Variants in CFAP65 observed in about 807,000 individuals in gnomAD.
CFAP65 encodes the protein cilia and flagella associated protein 65.
In CFAP65, 155 loss-of-function variants were observed where a neutral mutation model predicts 208.0. The observed-to-expected ratio is 0.75, with a 90% CI of 0.65 to 0.85. The LOEUF is 0.85. CFAP65 is among the 40% of genes least tolerant of loss of function. CFAP65 has a pLI of 0.00. For synonymous variants in CFAP65, 970 were observed against 986.3 expected (o/e 0.98, Z 0.31); for missense variants, 2,294 against 2,451.3 (o/e 0.94, Z 1.36).
At chr2:219,019,411 G>T in intron 20 of CFAP65, 95 bp downstream of exon 20, 1 of 1,188,664 alleles carries the variant, frequency 8.4e-7, no homozygotes, top group South Asian at 1.5e-5. Context: ...ATGGGAAACA[G>T]CTTCCTTGTT....
chr2:219,005,069 G>C (rs1945865407), intron 32 of CFAP65, among the ~76,000 whole-genome samples: 1 of 151,214 alleles, frequency 6.6e-6, no homozygotes, highest in Admixed American at 6.6e-5. Context: ...ACAGTGGTGT[G>C]ATCATGGCTC....
rs993735171 is a variant in CFAP65 at position 219,021,808 on chromosome 2, G to T, written c.3102C>A (p.Ser1034Arg). The T allele has an allele frequency of 6.2e-7, 1 of 1,613,630 alleles. No individual in the cohort carries two copies. The highest frequency in any genetic ancestry group is 1.3e-5 in the African/African-American group (1 of 74,922). Residue 1034 changes from serine (S) to arginine (R), a missense_variant, in exon 18 of 35, where the codon AGC becomes AGA. By Grantham distance (110) the Ser-to-Arg change is moderately radical. This residue lies in a region of CFAP65 where 1,427 missense variants were observed against 1,438.7 expected (regional missense o/e 0.99). Coordinates refer to ENST00000341552, the MANE Select transcript of CFAP65 (RefSeq NM_194302.4). Reference sequence around the variant, plus strand: ...GGGGGTGGTTGTCAACGGCCTCAGGGCTGCCCTGCTCCAGGTAGAGGCGGT... The same window carrying T: ...GGGGGTGGTTGTCAACGGCCTCAGGTCTGCCCTGCTCCAGGTAGAGGCGGT... ...LYYRLYLEQG[S>R]PEAVDNHPLA...
chr2:219,038,777 C>T, intron 3 of CFAP65, 119 bp downstream of exon 3: 1 of 1,240,544 alleles, frequency 8.1e-7, no homozygotes, highest in Non-Finnish European at 1.1e-6. Context: ...GACTCACCCT[C>T]AGGGAAGGCA....
chr2:219,038,711 G>T, intron 3 of CFAP65, 133 bp from the exon 4 acceptor site: 1 of 1,108,118 alleles, frequency 9.0e-7, no homozygotes, highest in Non-Finnish European at 1.3e-6. Flanking sequence ...GTGCTACCTG[G>T]CACCATGAGG....
At position 219,032,557 on chromosome 2, in the gene CFAP65, C is replaced by T; in HGVS notation, c.558G>A (p.Lys186=). 6.2e-7 allele frequency: 1 copy of T among 1,601,532 alleles called. No individual in the cohort carries two copies. The highest frequency in any genetic ancestry group is 8.5e-7 in the Non-Finnish European group (1 of 1,173,968). Residue 186 remains lysine (K), a synonymous_variant, in exon 6 of 35, where the codon AAG becomes AAA. Coordinates refer to ENST00000341552, the MANE Select transcript of CFAP65 (RefSeq NM_194302.4). The surrounding 1 kb of genome is among the most constrained non-coding windows in gnomAD (Gnocchi z 5.5). ...GCTGAGGGATGACCGTGAAGAAGAA[C>T]TTGGTCTTGGGGGGCCTGCAGGAGA... The part of the protein sequence containing the change: ...QKMKYRPPKT[K]FFFTVIPQPI...
chr2:219,003,267 G>T lies in CFAP65; in HGVS notation c.5561C>A (p.Pro1854Gln). 2 of 1,536,346 alleles carry T rather than the reference G, an allele frequency of 1.3e-6. No individual in the cohort carries two copies. Among genetic ancestry groups the T allele is most frequent in the East Asian group, 2.5e-5 (1 of 40,702 alleles). Residue 1854 changes from proline to glutamine, a missense_variant, in exon 34 of 35, where the codon CCG (proline) becomes CAG (glutamine). Physicochemically the swap from Pro to Gln is moderately conservative, Grantham distance 76. This residue lies in a region of CFAP65 where 1,427 missense variants were observed against 1,438.7 expected (regional missense o/e 0.99). Coordinates refer to ENST00000341552, the MANE Select transcript of CFAP65 (RefSeq NM_194302.4). The surrounding 1 kb of genome is among the most constrained non-coding windows in gnomAD (Gnocchi z 4.4). The part of the protein sequence containing the change: ...QDEKEAIRRL[P>Q]AFANLQEALL... ...CGCCTCCTGCAGGTTGGCGAAGGCC[G>T]GGAGCCTGCGAGGGGGCGGGGGCTA...
chr2:219,013,569 T>A lies in CFAP65; in HGVS notation c.3796A>T (p.Thr1266Ser). The A allele has an allele frequency of 6.2e-7, 1 of 1,600,602 alleles. No homozygotes were observed. Among genetic ancestry groups the A allele is most frequent in the Non-Finnish European group, 8.5e-7 (1 of 1,175,088 alleles). ...ELKYSHLFIG[T>S]DHLPVLFKVS... is the part of the protein sequence containing the mutation. ...TTGAAGAGCACTGGGAGGTGATCAG[T>A]ACCGATGAACAGGTGGCTAGAAAGA... is the stretch of plus-strand genomic sequence containing the variant. Residue 1266 changes from threonine (T) to serine (S), a missense_variant, in exon 23 of 35, where the codon ACT (threonine) becomes TCT (serine). Around this residue, in one of 2 missense-constraint regions of CFAP65, gnomAD observed 1,427 missense variants for 1,438.7 expected, o/e 0.99. Transcript: ENST00000341552.
intron 21 of CFAP65, among the ~76,000 whole-genome samples, chr2:219,017,516 A>G (rs1366512928): frequency 3.3e-5 from 5 of 152,262 alleles, no homozygotes; most frequent in Non-Finnish European, 7.3e-5. Context: ...TAAGAAATTG[A>G]AAGGAAATAC....
intron 29 of CFAP65, 53 bp downstream of exon 29, chr2:219,008,994 G>C: frequency 6.7e-7 from 1 of 1,495,122 alleles, no homozygotes; most frequent in Non-Finnish European, 9.3e-7. Context: ...GTCCCCTCTG[G>C]TAAGGCCAGT....
intron 16 of CFAP65, 66 bp from the exon 17 acceptor site, chr2:219,022,395 G>A (rs767799282): frequency 6.2e-5 from 95 of 1,534,412 alleles, no homozygotes; most frequent in East Asian, 3.1e-4. Flanking sequence ...CTGGCCATCC[G>A]AGGCCCCATG....
chr2:219,041,456 C>T (rs1948652033), intron 1 of CFAP65, 32 bp downstream of exon 1: 2 of 1,550,284 alleles, frequency 1.3e-6, no homozygotes, highest in Admixed American at 2.0e-5. Flanking sequence ...CCCTGAGACC[C>T]TGGGACCTTG....
At chr2:219,030,392 C>T (rs528720031) in intron 9 of CFAP65, among the ~76,000 whole-genome samples, 184 bp from the exon 10 acceptor site, 17 of 152,316 alleles carry the variant, frequency 1.1e-4, no homozygotes, top group Non-Finnish European at 7.4e-5. Flanking sequence ...ATGTGCCCTG[C>T]GCTGGGCCTG....
intron 5 of CFAP65, chr2:219,034,358 C>T (rs1948225832): frequency 6.6e-6 from 1 of 152,120 alleles, no homozygotes; most frequent in African/African-American, 2.4e-5. Context: ...GCTATCAAGA[C>T]TTACTATTCA....
At position 219,005,543 on chromosome 2, in the gene CFAP65, C is replaced by A. The variant is rs769364439; in HGVS notation, c.4942G>T (p.Ala1648Ser). ...GAAGTCTCTGACTCTTCCCTGGGGG[C>A]CTTCCTCTTTGGCAGCTCCCTGTGG... Reference protein sequence around the residue: ...FLHRELPKRKAPREESETSEE... With the variant: ...FLHRELPKRKSPREESETSEE... The change falls in exon 32 of 35, where the codon GCC (alanine) becomes TCC (serine). Residue 1648 changes from alanine to serine, a missense_variant. Ala to Ser is a moderately conservative substitution (Grantham distance 99, BLOSUM62 1). Transcript: ENST00000341552. 4.3e-6 allele frequency: 7 copies of A among 1,611,998 alleles called. No homozygotes were observed. The highest frequency in any genetic ancestry group is 5.9e-6 in the Non-Finnish European group (7 of 1,179,908).
chr2:219,010,976 A>C lies in CFAP65; in HGVS notation c.3978T>G (p.Gly1326=). The C allele has an allele frequency of 6.2e-7, 1 of 1,609,246 alleles. No homozygotes were observed. Among genetic ancestry groups the C allele is most frequent in the Non-Finnish European group, 8.5e-7 (1 of 1,176,270 alleles). The stretch of plus-strand genomic sequence containing the variant: ...CCTCATATGTCACGGGCACTGAGCC[A>C]CCATTATACAGCTCATAAATCTGCA... ...PPRQIYELYN[G]GSVPVTYEVQ... Residue 1326 remains glycine, a synonymous_variant, in exon 25 of 35, where the codon GGT becomes GGG. Coordinates refer to ENST00000341552, the MANE Select transcript of CFAP65 (RefSeq NM_194302.4).
chr2:219,010,928 C>G lies in CFAP65; in HGVS notation c.4026G>C (p.Gln1342His). Reference sequence around the variant, plus strand: ...GGTGATCAAAATTTTTTTCCTGAACCTGTGACAGGACATCGGTCTGGACCT... The same window carrying G: ...GGTGATCAAAATTTTTTTCCTGAACGTGTGACAGGACATCGGTCTGGACCT... ...TYEVQTDVLS[Q>H]VQEKNFDHPI... The change falls in exon 25 of 35, where the codon CAG becomes CAC. Residue 1342 changes from glutamine (Q) to histidine (H), a missense_variant. Physicochemically the swap from Gln to His is conservative, Grantham distance 24. Coordinates refer to ENST00000341552, the MANE Select transcript of CFAP65 (RefSeq NM_194302.4). 1.2e-6 allele frequency: 2 copies of G among 1,613,930 alleles called. No individual in the cohort carries two copies. Among genetic ancestry groups the G allele is most frequent in the Non-Finnish European group, 1.7e-6 (2 of 1,180,022 alleles).
chr2:219,020,201 C>A (rs1261271892), intron 19 of CFAP65, among the ~76,000 whole-genome samples: 1 of 152,188 alleles, frequency 6.6e-6, no homozygotes, highest in Non-Finnish European at 1.5e-5. Flanking sequence ...TTCTGTCTCT[C>A]TCTGCCTATT....
chr2:219,015,860 A>G (rs1946843777), intron 21 of CFAP65: 1 of 152,240 alleles, frequency 6.6e-6, no homozygotes, highest in Non-Finnish European at 1.5e-5. Context: ...TTATACAGCT[A>G]TTTAAAAGAA....
rs781662919 is a variant in CFAP65, at chr2:219,023,350, C to T, written c.2677G>A (p.Val893Met). The T allele has an allele frequency of 3.7e-6, 6 of 1,610,114 alleles. No individual in the cohort carries two copies. The East Asian group carries it at 1.1e-4, about 30-fold the overall frequency. ...AAGGGGCTGGTGGAGGAGCAGCCCA[C>T]CCAGGTGGGCTTGAAGTAGAGGCTT... Reference protein sequence around the residue: ...HKSLYFKPTWVGCSSTSPFTF... With the variant: ...HKSLYFKPTWMGCSSTSPFTF... The change falls in exon 16 of 35, where the codon GTG becomes ATG. Residue 893 changes from valine to methionine, a missense_variant. Physicochemically the swap from Val to Met is conservative, Grantham distance 21. This residue lies in a region of CFAP65 where 1,427 missense variants were observed against 1,438.7 expected (regional missense o/e 0.99). Coordinates refer to ENST00000341552, the MANE Select transcript of CFAP65 (RefSeq NM_194302.4).
Sources: gnomAD v4.1 joint callset for allele counts (sites outside exome capture counted in the v4.1 genomes callset) on GRCh38, gnomAD v4.1.1 for gene constraint, gnomAD v4.1.1 regional missense constraint, Gnocchi (gnomAD v3.1) non-coding constraint, MANE v1.5 for transcripts, NCBI Gene and HGNC (gene_info 2026-07-23, HGNC 2026-07-21) for gene names.